Variants in TMEFF2 observed in about 807,000 individuals in gnomAD.
TMEFF2 encodes transmembrane protein with EGF like and two follistatin like domains 2, also known as tomoregulin-2.
TMEFF2 carries 28 observed loss-of-function variants against 53.8 expected under a neutral mutation model. The observed-to-expected ratio is 0.52, with a 90% CI of 0.39 to 0.71. TMEFF2 has a LOEUF of 0.71. Ranked by LOEUF, TMEFF2 falls within the 30% of genes least tolerant of loss-of-function variation. The pLI is 0.00. For missense variants in TMEFF2, 353 were observed against 455.2 expected, an observed-to-expected ratio of 0.78 and a Z score of 2.04; for synonymous variants, 162 against 166.3, an observed-to-expected ratio of 0.97 and a Z score of 0.20.
chr2:191,982,170 A>G (rs1685867852), intron 7 of TMEFF2, among the ~76,000 whole-genome samples: 1 of 152,026 alleles, frequency 6.6e-6, no homozygotes, highest in African/African-American at 2.4e-5. Flanking sequence ...GGGAAAAGTC[A>G]TTATTTACCA....
chr2:192,163,806 C>T lies in TMEFF2; in HGVS notation c.439+15862G>A, dbSNP rs146255179. ...TGTTAAATGGGCATGGAGAACTTGGCGAGTGCTAAATGACGTGATGGGGTT... is the reference window on the plus strand; with the variant it reads ...TGTTAAATGGGCATGGAGAACTTGGTGAGTGCTAAATGACGTGATGGGGTT... On this transcript the variant is annotated intron_variant, in intron 4 of 9. Coordinates refer to ENST00000272771, the MANE Select transcript of TMEFF2 (RefSeq NM_016192.4). Among the ~76,000 whole-genome samples the T allele has an allele frequency of 1.5e-3, 221 of 152,280 alleles. 1 individual carries two copies. The highest frequency in any genetic ancestry group is 3.4e-3 in the Middle Eastern group (1 of 294).
In TMEFF2 at chr2:192,037,338, AC is replaced by A. The variant is rs1186870727; in HGVS notation, c.536+20340del. 4.6e-4 allele frequency among the ~76,000 whole-genome samples: 68 copies of A among 147,668 alleles called. 1 individual carries two copies. The East Asian group carries it at 0.012, about 27-fold the overall frequency. On this transcript the variant is annotated intron_variant, in intron 5 of 9. Transcript: ENST00000272771. ...GAAAGAAAGAAAGAAAGAAAGAAAAACAGAAAACAGAAAAAAAAACCTCTCA... is the reference window on the plus strand; with the variant it reads ...GAAAGAAAGAAAGAAAGAAAGAAAAAAGAAAACAGAAAAAAAAACCTCTCA...
At chr2:191,994,181 G>T (rs1214515125) in intron 7 of TMEFF2, among the ~76,000 whole-genome samples, 1 of 151,796 alleles carries the variant, frequency 6.6e-6, no homozygotes, top group Non-Finnish European at 1.5e-5. Flanking sequence ...GCTGGTATAT[G>T]TATTTTCTTT....
intron 9 of TMEFF2, among the ~76,000 whole-genome samples, chr2:191,952,338 T>C (rs73044354): frequency 2.0e-3 from 311 of 152,360 alleles, no homozygotes; most frequent in African/African-American, 7.1e-3. Flanking sequence ...TTTACAGTTT[T>C]GCATTTGTGT....
At chr2:191,972,402 A>T (rs1481743970) in intron 7 of TMEFF2, among the ~76,000 whole-genome samples, 2 of 139,280 alleles carry the variant, frequency 1.4e-5, no homozygotes, top group Non-Finnish European at 3.0e-5. Flanking sequence ...ACCTCAGGTG[A>T]TCTGCCCACC....
At chr2:191,986,954 C>A (rs553370666) in intron 7 of TMEFF2, among the ~76,000 whole-genome samples, 2 of 150,988 alleles carry the variant, frequency 1.3e-5, no homozygotes, top group Non-Finnish European at 2.9e-5. Context: ...TTTTGGGGAA[C>A]GGGAGAATTC....
Position 192,088,417 on chromosome 2 carries a change from T to C in TMEFF2, c.440-30642A>G, listed in dbSNP as rs377138565. On this transcript the variant is annotated intron_variant, in intron 4 of 9. Coordinates refer to ENST00000272771, the MANE Select transcript of TMEFF2 (RefSeq NM_016192.4). ...TTAGCTGATGGAGTGTCTGCATTTT[T>C]CCAAATCACCTCTGTGAATTTGCAA... Among the ~76,000 whole-genome samples the C allele has an allele frequency of 1.9e-4, 29 of 152,228 alleles. No homozygotes were observed. The East Asian group carries it at 4.8e-3, about 25-fold the overall frequency.
At chr2:192,085,194 T>C (rs1574359024) in intron 4 of TMEFF2, among the ~76,000 whole-genome samples, 2 of 152,084 alleles carry the variant, frequency 1.3e-5, no homozygotes, top group East Asian at 3.9e-4. Flanking sequence ...GACCTGGAGA[T>C]GGTATGGTAT....
intron 7 of TMEFF2, among the ~76,000 whole-genome samples, chr2:191,964,341 T>TTTCC (rs1308895050): frequency 4.2e-5 from 2 of 47,208 alleles, no homozygotes; most frequent in African/African-American, 7.7e-5. Context: ...TCCTTCTTTC[T>TTTCC]TTCTTTCTTT....
At chr2:192,089,329 C>G (rs937137283) in intron 4 of TMEFF2, among the ~76,000 whole-genome samples, 2 of 151,998 alleles carry the variant, frequency 1.3e-5, no homozygotes, top group African/African-American at 4.8e-5. Flanking sequence ...GCCTAGGGAC[C>G]AAACAATCTT....
chr2:192,010,565 T>C (rs550018655), intron 5 of TMEFF2, among the ~76,000 whole-genome samples: 3 of 152,218 alleles, frequency 2.0e-5, no homozygotes, highest in Admixed American at 1.3e-4. Context: ...TAGTTTACCA[T>C]AGATCTCATT....
chr2:192,130,291 CCTT>C (rs1317370855), intron 4 of TMEFF2, among the ~76,000 whole-genome samples: 1 of 152,146 alleles, frequency 6.6e-6, no homozygotes, highest in African/African-American at 2.4e-5. Flanking sequence ...CCTTCCTCCT[CCTT>C]CTCCTCTGTC....
chr2:192,147,277 GT>G (rs1690275000), intron 4 of TMEFF2, among the ~76,000 whole-genome samples: 1 of 151,966 alleles, frequency 6.6e-6, no homozygotes, highest in South Asian at 2.1e-4. Context: ...GCAGACAGTA[GT>G]CCACTTATAA....
intron 5 of TMEFF2, among the ~76,000 whole-genome samples, chr2:192,006,814 G>A (rs1366945082): frequency 1.3e-5 from 2 of 152,150 alleles, no homozygotes; most frequent in Non-Finnish European, 2.9e-5. Flanking sequence ...TCTCATTTAG[G>A]AGGTCTGGTG....
rs1354607533 is a variant in TMEFF2 at position 191,950,266 on chromosome 2, T to C, written c.*45A>G. On this transcript the variant is annotated 3_prime_UTR_variant, in exon 10 of 10. Transcript: ENST00000272771. ...CTTTTGTCTATAATACTGTATTGTG[T>C]AGTCCAAGCTCTCGGTAGTCCAGCC... The C allele has an allele frequency of 3.7e-6, 6 of 1,611,470 alleles. No individual in the cohort carries two copies. The African/African-American group carries it at 4.0e-5, about 11-fold the overall frequency.
intron 5 of TMEFF2, among the ~76,000 whole-genome samples, chr2:192,023,391 G>T (rs968926509): frequency 6.6e-6 from 1 of 152,038 alleles, no homozygotes; most frequent in African/African-American, 2.4e-5. Flanking sequence ...CTAATTATAC[G>T]CTAGGAACTG....
chr2:192,182,523 T>A (rs1559161301), intron 3 of TMEFF2, among the ~76,000 whole-genome samples: 1 of 151,996 alleles, frequency 6.6e-6, no homozygotes. Context: ...TTTCATAGTA[T>A]AACCAGCACA....
At chr2:192,127,688 GT>G (rs1689710534) in intron 4 of TMEFF2, among the ~76,000 whole-genome samples, 1 of 151,242 alleles carries the variant, frequency 6.6e-6, no homozygotes, top group Non-Finnish European at 1.5e-5. Flanking sequence ...GTAACTGTTT[GT>G]TTTATGTTAA....
At chr2:191,955,915 C>T (rs957758422) in intron 8 of TMEFF2, among the ~76,000 whole-genome samples, 2 of 152,090 alleles carry the variant, frequency 1.3e-5, no homozygotes, top group Non-Finnish European at 1.5e-5. Flanking sequence ...CTGATAAATA[C>T]TTATTGAGCA....
Sources: gnomAD v4.1 joint callset for allele counts (sites outside exome capture counted in the v4.1 genomes callset) on GRCh38, gnomAD v4.1.1 for gene constraint, MANE v1.5 for transcripts, NCBI Gene and HGNC (gene_info 2026-07-23, HGNC 2026-07-21) for gene names.